The following MYRF variants were observed in gnomAD, a reference collection of about 807,000 sequenced individuals.
MYRF encodes myelin gene regulatory factor.
MYRF carries 16 observed loss-of-function variants against 126.3 expected under a neutral mutation model. The ratio of observed to expected loss-of-function variants is 0.13; its 90% confidence interval spans 0.09 to 0.19. MYRF has a LOEUF of 0.19. Ranked by LOEUF, MYRF falls within the 10% of genes least tolerant of loss-of-function variation. MYRF has a pLI of 1.00. For synonymous variants in MYRF, 608 were observed against 635.3 expected (o/e 0.96, Z 0.65); for missense variants, 1,104 against 1,547.0 (o/e 0.71, Z 4.80).
At position 61,781,162 on chromosome 11, in the gene MYRF, C is replaced by T. The variant is rs1234759701; in HGVS notation, c.2597C>T (p.Ala866Val). The T allele has an allele frequency of 6.2e-7, 1 of 1,613,800 alleles. No individual in the cohort carries two copies. The highest frequency in any genetic ancestry group is 8.5e-7 in the Non-Finnish European group (1 of 1,179,992). ...GTGACCACCAGCCTCACCAGCTCGG[C>T]CCCAGGTTCTGCTGTCCGCACCTTG... ...LLVTTSLTSS[A>V]PGSAVRTLDM... The change falls in exon 21 of 27, where the codon GCC (alanine) becomes GTC (valine). Residue 866 changes from alanine (A) to valine (V), a missense_variant. Transcript: ENST00000278836.
chr11:61,769,788 G>A (rs76675349), intron 4 of MYRF, among the ~76,000 whole-genome samples: 3,839 of 152,262 alleles, frequency 0.025, 162 homozygotes, highest in African/African-American at 0.087. Flanking sequence ...TGCCTCCTGG[G>A]GAACAAAGGG....
At chr11:61,770,597 G>C in intron 5 of MYRF, 72 bp downstream of exon 5, 5 of 1,438,756 alleles carry the variant, frequency 3.5e-6, no homozygotes, top group Non-Finnish European at 4.7e-6. Flanking sequence ...AGGGCGGCGG[G>C]CAGGCCAGAG....
intron 7 of MYRF, 115 bp downstream of exon 7, chr11:61,772,067 A>G: frequency 6.9e-7 from 1 of 1,439,974 alleles, no homozygotes; most frequent in Non-Finnish European, 9.4e-7. Context: ...TTCACAGAAG[A>G]GCAAACAGGC....
chr11:61,769,341 C>T lies in MYRF; in HGVS notation c.460+20C>T, dbSNP rs751543001. 42 of 1,597,856 alleles carry T rather than the reference C, an allele frequency of 2.6e-5. No individual in the cohort carries two copies. The East Asian group carries it at 8.8e-4, about 33-fold the overall frequency. On this transcript the variant is annotated intron_variant, in intron 4 of 26. Transcript: ENST00000278836. ...TGAATGGTGAGTCCAGCGGGCACCG[C>T]CCTCCTGCTCCAGGGTTTGGGCAAG...
intron 22 of MYRF, 102 bp downstream of exon 22, chr11:61,781,926 C>CGACA (rs1230424283): frequency 7.4e-7 from 1 of 1,357,196 alleles, no homozygotes; most frequent in East Asian, 2.5e-5. Flanking sequence ...TCAGACTTGT[C>CGACA]AGTCAATAGA....
intron 22 of MYRF, 187 bp downstream of exon 22, chr11:61,782,011 A>G: frequency 3.4e-6 from 2 of 588,874 alleles, no homozygotes; most frequent in Non-Finnish European, 5.4e-6. Context: ...TAGTCCTCAC[A>G]GCACTCCTGC....
chr11:61,765,711 C>T lies in MYRF; in HGVS notation c.133C>T (p.Leu45Phe), dbSNP rs150403825. The T allele has an allele frequency of 8.7e-6, 14 of 1,611,324 alleles. No individual in the cohort carries two copies. Among genetic ancestry groups the T allele is most frequent in the Non-Finnish European group, 1.1e-5 (13 of 1,179,224 alleles). ...EYISKEDASD[L>F]CFPDISAPAS... ...CATCAGCAAGGAGGATGCCTCCGAC[C>T]TGTGAGTGGCCCCCTCGCCCGGCCT... Residue 45 changes from leucine to phenylalanine, a missense_variant and splice_region_variant, in exon 2 of 27, where the codon CTC (leucine) becomes TTC (phenylalanine). By Grantham distance (22) the Leu-to-Phe change is conservative. Coordinates refer to ENST00000278836, the MANE Select transcript of MYRF (RefSeq NM_001127392.3).
chr11:61,771,668 C>T lies in MYRF; in HGVS notation c.909C>T (p.Leu303=). The part of the protein sequence containing the change: ...PSPPWPPQGP[L]SPGPGSLPLS... ...CACCCTGGCCTCCCCAGGGTCCGCT[C>T]TCCCCGGGCCCTGGTTCCTTGCCTC... Residue 303 remains leucine (L), a synonymous_variant, in exon 6 of 27, where the codon CTC becomes CTT. Transcript: ENST00000278836. 1 of 1,613,900 alleles carries T rather than the reference C, an allele frequency of 6.2e-7. No homozygotes were observed. The highest frequency in any genetic ancestry group is 8.5e-7 in the Non-Finnish European group (1 of 1,179,992).
At position 61,787,443 on chromosome 11, in the gene MYRF, G is replaced by A. The variant is rs2066720644; in HGVS notation, c.*1300G>A. 3 of 152,802 alleles carry A rather than the reference G, an allele frequency of 2.0e-5. 1 individual carries two copies. The highest frequency in any genetic ancestry group is 4.1e-4 in the South Asian group (2 of 4,830). 9.5% of individuals were successfully genotyped at this position (152,802 alleles called of 1,614,324 possible). ...TGCCATGGGTCCAGAAATGGGAAAGGGAATTGCTGTCCTTGCCCTGTGGTA... is the reference window on the plus strand; with the variant it reads ...TGCCATGGGTCCAGAAATGGGAAAGAGAATTGCTGTCCTTGCCCTGTGGTA... On this transcript the variant is annotated 3_prime_UTR_variant, in exon 27 of 27. Transcript: ENST00000278836.
At chr11:61,754,811 C>G (rs936578497) in intron 1 of MYRF, among the ~76,000 whole-genome samples, 1 of 152,170 alleles carries the variant, frequency 6.6e-6, no homozygotes, top group Non-Finnish European at 1.5e-5. Context: ...AAACAGCTCC[C>G]AGCCCCTGCG....
intron 16 of MYRF, 66 bp downstream of exon 16, chr11:61,779,636 C>T (rs2066485658): frequency 1.4e-6 from 2 of 1,401,488 alleles, no homozygotes; most frequent in Admixed American, 2.8e-5. Flanking sequence ...CCCTTTCTGG[C>T]TTGCAGTTCT....
chr11:61,768,288 T>TGGGACTGCA (rs1304575390), intron 3 of MYRF, among the ~76,000 whole-genome samples: 2 of 152,062 alleles, frequency 1.3e-5, no homozygotes, highest in Non-Finnish European at 2.9e-5. Flanking sequence ...ACTTGGGGCA[T>TGGGACTGCA]GGGACTGCAG....
chr11:61,779,766 G>T, intron 16 of MYRF, 76 bp from the exon 17 acceptor site: 1 of 1,433,632 alleles, frequency 7.0e-7, no homozygotes, highest in South Asian at 1.2e-5. Flanking sequence ...CCGCTCCTCC[G>T]ACCTCCAGCA....
At position 61,777,987 on chromosome 11, in the gene MYRF, C is replaced by G; in HGVS notation, c.1903+142C>G. 1.4e-6 allele frequency: 1 copy of G among 689,864 alleles called. No homozygotes were observed. Among genetic ancestry groups the G allele is most frequent in the Non-Finnish European group, 2.5e-6 (1 of 402,964 alleles). The allele number at this position is 689,864 out of a possible 1,614,324, so 42.7% of individuals were successfully genotyped here. Reference sequence around the variant, plus strand: ...TGGGAATCATGCCTTCTAGAAGTCCCGCCCCTCGGACCTTGGAAAATCGCA... The same window carrying G: ...TGGGAATCATGCCTTCTAGAAGTCCGGCCCCTCGGACCTTGGAAAATCGCA... On this transcript the variant is annotated intron_variant, in intron 13 of 26. Coordinates refer to ENST00000278836, the MANE Select transcript of MYRF (RefSeq NM_001127392.3). The surrounding 1 kb of genome is among the most constrained non-coding windows in gnomAD (Gnocchi z 8.8).
intron 24 of MYRF, 152 bp from the exon 25 acceptor site, chr11:61,784,128 T>A (rs2066626912): frequency 2.1e-6 from 2 of 961,574 alleles, no homozygotes; most frequent in Non-Finnish European, 3.1e-6. Context: ...CATGGGATGG[T>A]CGATGGGAAA....
intron 1 of MYRF, 110 bp from the exon 2 acceptor site, chr11:61,765,515 G>T (rs2066030754): frequency 2.5e-6 from 2 of 787,626 alleles, no homozygotes; most frequent in Non-Finnish European, 4.1e-6. Flanking sequence ...AAGGAGCAGG[G>T]GCATCTGTTT....
intron 25 of MYRF, chr11:61,784,972 ATT>A (rs1353039934): frequency 6.5e-6 from 1 of 152,712 alleles, no homozygotes; most frequent in African/African-American, 2.4e-5. Context: ...AGTAGTGATT[ATT>A]TTTTCTTGCC....
Position 61,766,060 on chromosome 11 carries a change from G to T in MYRF, c.237G>T (p.Gly79=). Residue 79 remains glycine (G), a synonymous_variant, in exon 3 of 27, where the codon GGG becomes GGT. Transcript: ENST00000278836. ...SSGVHHLSPP[G]GGPSPGRHGP... Reference sequence around the variant, plus strand: ...GGGTCCACCACCTGAGCCCCCCTGGGGGTGGACCCTCCCCGGGGCGCCATG... The same window carrying T: ...GGGTCCACCACCTGAGCCCCCCTGGTGGTGGACCCTCCCCGGGGCGCCATG... The T allele has an allele frequency of 6.2e-7, 1 of 1,604,182 alleles. No homozygotes were observed.
Position 61,783,374 on chromosome 11 carries a change from T to TG in MYRF, c.3017-122dup. On this transcript the variant is annotated intron_variant, in intron 22 of 26. Coordinates refer to ENST00000278836, the MANE Select transcript of MYRF (RefSeq NM_001127392.3). This position sits in a 1 kb window ranked among gnomAD's most constrained non-coding sequence, Gnocchi z 4.6. ...TGTGATGCTGGCCATTGTGGAGGTC[T>TG]GGAAAAAAATAACCTGGAACTTATT... is the stretch of plus-strand genomic sequence containing the variant. The TG allele has an allele frequency of 1.3e-6, 1 of 751,008 alleles. No homozygotes were observed. Among genetic ancestry groups the TG allele is most frequent in the East Asian group, 2.5e-5 (1 of 40,146 alleles). The allele number at this position is 751,008 out of a possible 1,614,324, so 46.5% of individuals were successfully genotyped here.
Sources: allele counts gnomAD v4.1 joint callset (sites outside exome capture counted in the v4.1 genomes callset), GRCh38; gene constraint gnomAD v4.1.1; non-coding constraint Gnocchi (gnomAD v3.1); transcripts MANE v1.5; gene names NCBI Gene and HGNC (gene_info 2026-07-23, HGNC 2026-07-21).